The following SPATA17 variants were observed in gnomAD, a reference collection of about 807,000 sequenced individuals.
SPATA17 encodes spermatogenesis associated 17.
A neutral mutation model predicts 62.2 loss-of-function variants in SPATA17; 53 were observed. The ratio of observed to expected loss-of-function variants is 0.85; its 90% CI spans 0.68 to 1.07. The LOEUF (loss-of-function observed/expected upper bound fraction) is 1.07. Ranked by LOEUF, SPATA17 falls within the 50% of genes least tolerant of loss-of-function variation. SPATA17 has a pLI of 0.00. For synonymous variants in SPATA17, 146 were observed against 146.8 expected (o/e 0.99, Z 0.04); for missense variants, 466 against 425.5 (o/e 1.10, Z -0.84).
intron 8 of SPATA17, among the ~76,000 whole-genome samples, chr1:217,783,240 CTT>C (rs1194974459): frequency 1.3e-5 from 2 of 151,516 alleles, no homozygotes; most frequent in African/African-American, 2.4e-5. Flanking sequence ...AGAATTACCT[CTT>C]ATCCATTTTA....
chr1:217,711,676 C>A (rs1158596278), intron 5 of SPATA17, among the ~76,000 whole-genome samples: 1 of 152,038 alleles, frequency 6.6e-6, no homozygotes, highest in Admixed American at 6.5e-5. Flanking sequence ...TTATCAAGGA[C>A]AAGGTAGAGA....
intron 3 of SPATA17, chr1:217,665,368 G>GA (rs1355573594): frequency 6.6e-6 from 1 of 152,118 alleles, no homozygotes; most frequent in Non-Finnish European, 1.5e-5. Context: ...GAAAGTCTAT[G>GA]ATCTTAAAAA....
chr1:217,836,860 T>A (rs1378968206), intron 9 of SPATA17, among the ~76,000 whole-genome samples: 1 of 152,166 alleles, frequency 6.6e-6, no homozygotes, highest in Non-Finnish European at 1.5e-5. Flanking sequence ...TACTATCTTA[T>A]AATTTAAACC....
At chr1:217,694,702 T>C (rs1207680922) in intron 5 of SPATA17, among the ~76,000 whole-genome samples, 1 of 151,400 alleles carries the variant, frequency 6.6e-6, no homozygotes, top group Non-Finnish European at 1.5e-5. Flanking sequence ...TGACAAAATC[T>C]CTCAGCATTT....
chr1:217,723,120 G>A (rs1044464397), intron 5 of SPATA17, among the ~76,000 whole-genome samples: 1 of 152,150 alleles, frequency 6.6e-6, no homozygotes, highest in African/African-American at 2.4e-5. Context: ...CCAGTCCACA[G>A]TCCATGTAAT....
At chr1:217,643,263 C>A (rs1024484728) in intron 1 of SPATA17, among the ~76,000 whole-genome samples, 3 of 152,106 alleles carry the variant, frequency 2.0e-5, no homozygotes, top group African/African-American at 7.2e-5. Flanking sequence ...CTTTATGTAA[C>A]CAAACTATTG....
At chr1:217,730,263 GCTACAGTGCAATGGCGTGAT>G in intron 5 of SPATA17, among the ~76,000 whole-genome samples, 2 of 151,544 alleles carry the variant, frequency 1.3e-5, no homozygotes, top group East Asian at 3.9e-4. Context: ...TGTCGCCAAG[GCTACAGTGCAATGGCGTGAT>G]CTCGGCTCAC....
intron 9 of SPATA17, among the ~76,000 whole-genome samples, chr1:217,802,404 G>GTGTTATAATATA (rs1674336156): frequency 6.6e-6 from 1 of 152,140 alleles, no homozygotes; most frequent in African/African-American, 2.4e-5. Context: ...TACTCAGACT[G>GTGTTATAATATA]CCACAACAAA....
At position 217,744,190 on chromosome 1, in the gene SPATA17, C is replaced by T. The variant is rs1407529561; in HGVS notation, c.519+2092C>T. On this transcript the variant is annotated intron_variant, in intron 6 of 10. Coordinates refer to ENST00000366933, the MANE Select transcript of SPATA17 (RefSeq NM_138796.4). ...TTGACAAAGAATTTTCGGCCGGGCG[C>T]GGTGGCTCACGCCTGTAATCCCAGC... Among the ~76,000 whole-genome samples the T allele has an allele frequency of 1.1e-4, 5 of 47,334 alleles. 1 individual carries two copies. The highest frequency in any genetic ancestry group is 1.9e-4 in the African/African-American group (4 of 20,636). The allele number at this position is 47,334 out of a possible 152,430, so 31.1% of individuals were successfully genotyped here. A position where few individuals can be genotyped will look rare whatever the true frequency, so the allele number is the denominator to read the frequency against.
At chr1:217,848,625 C>A (rs1338504653) in intron 9 of SPATA17, among the ~76,000 whole-genome samples, 1 of 152,022 alleles carries the variant, frequency 6.6e-6, no homozygotes, top group Non-Finnish European at 1.5e-5. Flanking sequence ...ATCTTTCTGT[C>A]TGAAAATTTC....
intron 8 of SPATA17, among the ~76,000 whole-genome samples, chr1:217,797,220 A>G (rs1232148594): frequency 6.6e-6 from 1 of 151,152 alleles, no homozygotes; most frequent in Admixed American, 6.6e-5. Flanking sequence ...AGCCCTCAAA[A>G]CATTAAATTT....
chr1:217,670,911 A>G (rs1040642882), intron 4 of SPATA17, among the ~76,000 whole-genome samples: 1 of 145,114 alleles, frequency 6.9e-6, no homozygotes, highest in Non-Finnish European at 1.5e-5. Flanking sequence ...AGATCCCACC[A>G]CTGCACTCCA....
chr1:217,827,859 A>G (rs967556033), intron 9 of SPATA17, among the ~76,000 whole-genome samples: 18 of 152,244 alleles, frequency 1.2e-4, no homozygotes, highest in Admixed American at 7.9e-4. Context: ...AGGGAGGGGA[A>G]CAACACACTC....
chr1:217,835,727 C>T (rs1275602489), intron 9 of SPATA17, among the ~76,000 whole-genome samples: 1 of 151,678 alleles, frequency 6.6e-6, no homozygotes, highest in Non-Finnish European at 1.5e-5. Context: ...AGGAGAGGAG[C>T]CTGAATTCTG....
At chr1:217,726,158 G>A (rs11117916) in intron 5 of SPATA17, among the ~76,000 whole-genome samples, 28,591 of 152,060 alleles carry the variant, frequency 0.19, 2,979 homozygotes, top group African/African-American at 0.28. Context: ...ACCATCTGAT[G>A]AGGGATGAAG....
At chr1:217,850,186 G>A (rs1255019619) in intron 9 of SPATA17, among the ~76,000 whole-genome samples, 3 of 152,120 alleles carry the variant, frequency 2.0e-5, no homozygotes, top group Admixed American at 6.6e-5. Flanking sequence ...GTACAGTCGT[G>A]TACAACTTTT....
chr1:217,660,079 C>T (rs1670533411), intron 3 of SPATA17, among the ~76,000 whole-genome samples: 1 of 152,184 alleles, frequency 6.6e-6, no homozygotes, highest in South Asian at 2.1e-4. Flanking sequence ...GTCCTTATCA[C>T]CCAAAGATTT....
intron 10 of SPATA17, 147 bp downstream of exon 10, chr1:217,863,003 T>C (rs1265943147): frequency 2.2e-6 from 1 of 461,070 alleles, no homozygotes; most frequent in Non-Finnish European, 3.8e-6. Flanking sequence ...TCCTTCATTG[T>C]AGTGTAATGG....
chr1:217,642,726 T>TGCC (rs2102878129), intron 1 of SPATA17, among the ~76,000 whole-genome samples: 1 of 152,326 alleles, frequency 6.6e-6, no homozygotes, highest in Non-Finnish European at 1.5e-5. Context: ...GTTTCTCACC[T>TGCC]GCCGCCATGT....
Sources: gnomAD v4.1 joint callset for allele counts (sites outside exome capture counted in the v4.1 genomes callset) on GRCh38, gnomAD v4.1.1 for gene constraint, MANE v1.5 for transcripts, NCBI Gene and HGNC (gene_info 2026-07-23, HGNC 2026-07-21) for gene names.